Variants in SLC35F4 observed in about 807,000 individuals in gnomAD.
SLC35F4 encodes the protein chromosome 14 open reading frame 36.
Under a neutral mutation model 44.2 loss-of-function variants are expected in SLC35F4, and 24 were observed. The observed-to-expected ratio is 0.54, with a 90% CI of 0.39 to 0.76. SLC35F4 has a LOEUF of 0.76. SLC35F4 is among the 30% of genes least tolerant of loss of function. The pLI is 0.00. For synonymous variants in SLC35F4, 238 were observed against 223.6 expected, an observed-to-expected ratio of 1.06 and a Z score of -0.57; for missense variants, 562 against 586.1, an observed-to-expected ratio of 0.96 and a Z score of 0.42.
chr14:57,620,039 A>G (rs2072086985), intron 1 of SLC35F4, among the ~76,000 whole-genome samples: 1 of 152,180 alleles, frequency 6.6e-6, no homozygotes, highest in Non-Finnish European at 1.5e-5. Flanking sequence ...ATATGGGACT[A>G]TGTGAAAAGA....
chr14:57,618,135 G>C (rs2071956279), intron 1 of SLC35F4, among the ~76,000 whole-genome samples: 2 of 152,188 alleles, frequency 1.3e-5, no homozygotes, highest in South Asian at 4.1e-4. Context: ...TGTATTATTA[G>C]TATATGAGTA....
intron 1 of SLC35F4, among the ~76,000 whole-genome samples, chr14:57,792,595 C>A (rs1207096495): frequency 6.6e-6 from 1 of 152,054 alleles, no homozygotes; most frequent in Non-Finnish European, 1.5e-5. Flanking sequence ...TACTACTCAG[C>A]CATAAAAAGG....
chr14:57,577,105 C>T (rs1323439012), intron 4 of SLC35F4, among the ~76,000 whole-genome samples: 2 of 152,088 alleles, frequency 1.3e-5, no homozygotes, highest in Non-Finnish European at 2.9e-5. Context: ...TAAAGAGGAG[C>T]CAAAGGCAAG....
intron 1 of SLC35F4, among the ~76,000 whole-genome samples, chr14:57,650,244 G>T (rs2073730131): frequency 6.6e-6 from 1 of 151,962 alleles, no homozygotes; most frequent in Admixed American, 6.6e-5. Context: ...TCTAGCCTTG[G>T]CTTTCCCACA....
intron 1 of SLC35F4, among the ~76,000 whole-genome samples, chr14:57,771,572 A>AAC (rs10663426): frequency 0.88 from 134,554 of 152,122 alleles, 59,771 homozygotes; most frequent in East Asian, 0.96. Flanking sequence ...AAATTTTTTC[A>AAC]ACTTTTAATT....
intron 1 of SLC35F4, among the ~76,000 whole-genome samples, chr14:57,728,078 T>C (rs1422378050): frequency 3.3e-5 from 5 of 152,228 alleles, no homozygotes; most frequent in Non-Finnish European, 7.3e-5. Context: ...ATTGGGTGCA[T>C]ATATATTTAT....
intron 1 of SLC35F4, among the ~76,000 whole-genome samples, chr14:57,861,318 C>T (rs1241248652): frequency 6.6e-6 from 1 of 152,150 alleles, no homozygotes; most frequent in Non-Finnish European, 1.5e-5. Context: ...ACACACCTTA[C>T]CCTATATCCA....
At chr14:57,621,654 AC>A (rs1341581015) in intron 1 of SLC35F4, among the ~76,000 whole-genome samples, 2 of 152,244 alleles carry the variant, frequency 1.3e-5, no homozygotes, top group African/African-American at 4.8e-5. Context: ...TATACCTTAT[AC>A]AAAAATTAAT....
chr14:57,868,858 GCAATGTATGCCT>G (rs1489596020), upstream of SLC35F4, among the ~76,000 whole-genome samples: 1 of 152,096 alleles, frequency 6.6e-6, no homozygotes, highest in Non-Finnish European at 1.5e-5. Flanking sequence ...ACTATGAGTT[GCAATGTATGCCT>G]CAAATCTATT....
Position 57,847,979 on chromosome 14 carries a change from A to T in SLC35F4, c.103+17744T>A, listed in dbSNP as rs938961271. 7.2e-5 allele frequency among the ~76,000 whole-genome samples: 11 copies of T among 152,258 alleles called. 1 individual carries two copies. Among genetic ancestry groups the T allele is most frequent in the Middle Eastern group, 6.3e-3 (2 of 316 alleles). On this transcript the variant is annotated intron_variant, in intron 1 of 7. Transcript: ENST00000556826. The stretch of plus-strand genomic sequence containing the variant: ...ACTAAAATAACGATGAATGTATTTT[A>T]AAGGCATAAATCCATAAAAACGGAA...
intron 1 of SLC35F4, among the ~76,000 whole-genome samples, chr14:57,787,573 G>T (rs193251389): frequency 6.6e-6 from 1 of 152,270 alleles, no homozygotes; most frequent in South Asian, 2.1e-4. Context: ...CAACAGAAAC[G>T]CTACAAGCTA....
intron 1 of SLC35F4, among the ~76,000 whole-genome samples, chr14:57,775,839 T>A (rs1208520806): frequency 6.6e-6 from 1 of 152,134 alleles, no homozygotes; most frequent in Non-Finnish European, 1.5e-5. Context: ...AGAATATGTA[T>A]AGAAATGAAG....
At chr14:57,698,096 G>A (rs2075436189) in intron 1 of SLC35F4, among the ~76,000 whole-genome samples, 1 of 152,160 alleles carries the variant, frequency 6.6e-6, no homozygotes, top group Non-Finnish European at 1.5e-5. Flanking sequence ...AGATTCTTAA[G>A]AGAATTGAGT....
chr14:57,599,490 G>A (rs2070685720), intron 1 of SLC35F4, among the ~76,000 whole-genome samples: 1 of 152,194 alleles, frequency 6.6e-6, no homozygotes, highest in Admixed American at 6.5e-5. Context: ...GCAGTATTCA[G>A]GTTTAACTAC....
At chr14:57,624,651 T>G (rs1029142944) in intron 1 of SLC35F4, among the ~76,000 whole-genome samples, 1 of 152,148 alleles carries the variant, frequency 6.6e-6, no homozygotes, top group African/African-American at 2.4e-5. Context: ...TGGTTCAACA[T>G]ATGCAAATCA....
chr14:57,809,433 T>C (rs1483512510), intron 1 of SLC35F4, among the ~76,000 whole-genome samples: 1 of 152,126 alleles, frequency 6.6e-6, no homozygotes, highest in African/African-American at 2.4e-5. Context: ...CCTCTTTTGG[T>C]CTGTGCAGTG....
intron 1 of SLC35F4, among the ~76,000 whole-genome samples, chr14:57,727,188 T>C (rs1022170310): frequency 6.6e-6 from 1 of 151,728 alleles, no homozygotes; most frequent in African/African-American, 2.4e-5. Flanking sequence ...AGAACCCTAA[T>C]ACATAGACTT....
chr14:57,662,418 G>A (rs1373740582), intron 1 of SLC35F4, among the ~76,000 whole-genome samples: 1 of 152,140 alleles, frequency 6.6e-6, no homozygotes, highest in African/African-American at 2.4e-5. Flanking sequence ...GAGGTGAGTA[G>A]GTCTTTAAGA....
rs1008531838 is a variant in SLC35F4, at chr14:57,933,923, G to A, written n.282+47990C>T. 9.2e-5 allele frequency among the ~76,000 whole-genome samples: 14 copies of A among 152,158 alleles called. 2 individuals are homozygous for A. The highest frequency in any genetic ancestry group is 8.5e-4 in the Admixed American group (13 of 15,292). On this transcript the variant is annotated intron_variant and non_coding_transcript_variant, in intron 1 of 1. Coordinates refer to the SLC35F4 transcript ENST00000556568. ...TATAATTAAAATACCTTAACAATTC[G>A]AGCAGGAAAGCTTTGTTTAAAGAAG...
Sources: gnomAD v4.1 joint callset for allele counts (sites outside exome capture counted in the v4.1 genomes callset) on GRCh38, gnomAD v4.1.1 for gene constraint, MANE v1.5 for transcripts, NCBI Gene and HGNC (gene_info 2026-07-23, HGNC 2026-07-21) for gene names.